CTNNA3: variants seen among roughly 807,000 people sequenced by gnomAD.
CTNNA3 encodes the protein catenin alpha-3.
A neutral mutation model predicts 95.7 loss-of-function variants in CTNNA3; 76 were observed. That is an observed-to-expected ratio of 0.79 (90% CI 0.66 to 0.96). CTNNA3 has a LOEUF of 0.96. Ranked by LOEUF, CTNNA3 falls within the 40% of genes least tolerant of loss-of-function variation. The pLI is 0.00. For synonymous variants in CTNNA3, 431 were observed against 374.4 expected (o/e 1.15, Z -1.74); for missense variants, 1,191 against 1,089.8 (o/e 1.09, Z -1.31).
At chr10:66,948,030 A>G (rs1181835436) in intron 7 of CTNNA3, among the ~76,000 whole-genome samples, 1 of 152,248 alleles carries the variant, frequency 6.6e-6, no homozygotes, top group African/African-American at 2.4e-5. Flanking sequence ...GGCATTTGTA[A>G]CACAATGGTA....
intron 1 of CTNNA3, among the ~76,000 whole-genome samples, chr10:67,716,959 T>G (rs1841147707): frequency 1.3e-5 from 2 of 152,222 alleles, no homozygotes; most frequent in African/African-American, 4.8e-5. Flanking sequence ...GCATTCCTAT[T>G]TCTCCACATC....
chr10:67,616,309 G>C (rs1332585895), intron 2 of CTNNA3, among the ~76,000 whole-genome samples: 3 of 152,182 alleles, frequency 2.0e-5, no homozygotes, highest in Non-Finnish European at 4.4e-5. Context: ...AAACAGGAAA[G>C]TAACATGATC....
At chr10:65,967,783 A>G (rs1439966564) in intron 16 of CTNNA3, among the ~76,000 whole-genome samples, 1 of 152,194 alleles carries the variant, frequency 6.6e-6, no homozygotes, top group African/African-American at 2.4e-5. Context: ...CTATGCAATT[A>G]TAATAAATTT....
At chr10:65,925,849 T>C (rs1242594973) in intron 17 of CTNNA3, among the ~76,000 whole-genome samples, 1 of 152,140 alleles carries the variant, frequency 6.6e-6, no homozygotes, top group Non-Finnish European at 1.5e-5. Context: ...AAAGGTTATC[T>C]ATTATCCCTA....
intron 7 of CTNNA3, among the ~76,000 whole-genome samples, chr10:66,887,866 T>C (rs1845103417): frequency 6.6e-6 from 1 of 151,986 alleles, no homozygotes; most frequent in African/African-American, 2.4e-5. Context: ...AGGAAGGAGG[T>C]TACTCTCCCT....
intron 7 of CTNNA3, among the ~76,000 whole-genome samples, chr10:67,136,116 G>C (rs1280839906): frequency 6.6e-6 from 1 of 151,968 alleles, no homozygotes; most frequent in Non-Finnish European, 1.5e-5. Flanking sequence ...CTGCTGTTCT[G>C]ATTTGAGAGG....
intron 5 of CTNNA3, among the ~76,000 whole-genome samples, chr10:67,356,938 A>G (rs994881072): frequency 1.3e-5 from 2 of 152,112 alleles, no homozygotes; most frequent in African/African-American, 4.8e-5. Context: ...CATAATGATA[A>G]TCTTCAATGG....
intron 7 of CTNNA3, among the ~76,000 whole-genome samples, chr10:67,147,789 A>G (rs988098229): frequency 2.1e-4 from 32 of 152,206 alleles, no homozygotes; most frequent in African/African-American, 7.0e-4. Flanking sequence ...AATTACAAAA[A>G]TGTGAAAAAA....
intron 15 of CTNNA3, among the ~76,000 whole-genome samples, chr10:66,031,996 C>T (rs1456729422): frequency 6.6e-6 from 1 of 152,052 alleles, no homozygotes; most frequent in Non-Finnish European, 1.5e-5. Flanking sequence ...AGTCAAAAGG[C>T]AATGACTGCA....
At chr10:66,246,699 T>C (rs1321278289) in intron 13 of CTNNA3, among the ~76,000 whole-genome samples, 1 of 151,732 alleles carries the variant, frequency 6.6e-6, no homozygotes, top group East Asian at 1.9e-4. Context: ...AAAAATGCAA[T>C]TGACATACTG....
chr10:66,420,687 T>C (rs899125316), intron 11 of CTNNA3, among the ~76,000 whole-genome samples: 2 of 151,946 alleles, frequency 1.3e-5, no homozygotes, highest in Non-Finnish European at 2.9e-5. Flanking sequence ...TAGTACCAGC[T>C]ACTTGGGAGG....
At chr10:66,131,760 C>T (rs1354004646) in intron 13 of CTNNA3, among the ~76,000 whole-genome samples, 1 of 152,100 alleles carries the variant, frequency 6.6e-6, no homozygotes, top group African/African-American at 2.4e-5. Context: ...CATCTACAAT[C>T]ATCTGATCTT....
chr10:66,109,216 T>A (rs1478111322), intron 13 of CTNNA3, among the ~76,000 whole-genome samples: 2 of 152,148 alleles, frequency 1.3e-5, no homozygotes, highest in African/African-American at 4.8e-5. Context: ...GGACAATGGA[T>A]GTCTCATTGG....
At chr10:67,605,625 T>C (rs1183427891) in intron 3 of CTNNA3, among the ~76,000 whole-genome samples, 2 of 152,240 alleles carry the variant, frequency 1.3e-5, no homozygotes, top group African/African-American at 4.8e-5. Flanking sequence ...CATCATGTTG[T>C]ATACCTTAAA....
intron 15 of CTNNA3, among the ~76,000 whole-genome samples, chr10:66,021,393 G>C (rs1203984521): frequency 2.6e-5 from 4 of 152,040 alleles, no homozygotes; most frequent in African/African-American, 9.7e-5. Flanking sequence ...CTACTATCAG[G>C]GGATTTGTGT....
At chr10:67,401,484 G>A (rs1844920622) in intron 5 of CTNNA3, among the ~76,000 whole-genome samples, 1 of 152,130 alleles carries the variant, frequency 6.6e-6, no homozygotes, top group Admixed American at 6.5e-5. Context: ...CCCAATGTGG[G>A]GTGCCTGAAT....
At chr10:66,844,060 T>C (rs1843164729) in intron 7 of CTNNA3, among the ~76,000 whole-genome samples, 1 of 152,212 alleles carries the variant, frequency 6.6e-6, no homozygotes, top group Non-Finnish European at 1.5e-5. Flanking sequence ...ATACCAAGCT[T>C]GTATAGCTGG....
chr10:67,258,421 G>A (rs780808392), intron 5 of CTNNA3, among the ~76,000 whole-genome samples: 43 of 152,254 alleles, frequency 2.8e-4, no homozygotes, highest in Middle Eastern at 3.4e-3. Context: ...TGCGATTACA[G>A]GTGTGAGCCA....
rs79107784 is a variant in CTNNA3, at chr10:67,042,886, G to C, written c.1047+137431C>G. Among the ~76,000 whole-genome samples, 38 of 152,122 alleles carry C rather than the reference G, an allele frequency of 2.5e-4. No individual in the cohort carries two copies. The East Asian group carries it at 6.4e-3, about 26-fold the overall frequency. Reference sequence around the variant, plus strand: ...GTAGTTAAAGGGCAATAGACCAGAGGGTTTAACTATATTTCCTGTAACAAA... The same window carrying C: ...GTAGTTAAAGGGCAATAGACCAGAGCGTTTAACTATATTTCCTGTAACAAA... On this transcript the variant is annotated intron_variant, in intron 7 of 17. Coordinates refer to ENST00000433211, the MANE Select transcript of CTNNA3 (RefSeq NM_013266.4).
Sources: gnomAD v4.1 joint callset for allele counts (sites outside exome capture counted in the v4.1 genomes callset) on GRCh38, gnomAD v4.1.1 for gene constraint, MANE v1.5 for transcripts, NCBI Gene and HGNC (gene_info 2026-07-23, HGNC 2026-07-21) for gene names.